The following DOCK9 variants were observed in gnomAD, a reference collection of about 807,000 sequenced individuals.
DOCK9 encodes the protein dedicator of cytokinesis protein 9.
A neutral mutation model predicts 263.3 loss-of-function variants in DOCK9; 89 were observed. The observed-to-expected ratio is 0.34, with a 90% CI of 0.28 to 0.40. The LOEUF is 0.40. DOCK9 is among the 10% of genes least tolerant of loss of function. The pLI is 1.00. For synonymous variants in DOCK9, 976 were observed against 973.1 expected, an observed-to-expected ratio of 1.00 and a Z score of -0.06; for missense variants, 2,140 against 2,603.4, an observed-to-expected ratio of 0.82 and a Z score of 3.87.
intron 1 of DOCK9, chr13:99,015,432 C>A: frequency 1.3e-6 from 2 of 1,565,780 alleles, no homozygotes; most frequent in Non-Finnish European, 1.7e-6. Context: ...GTTAATTAAG[C>A]AAGATAGCAT....
At chr13:98,830,293 A>G in intron 41 of DOCK9, among the ~76,000 whole-genome samples, 1 of 151,982 alleles carries the variant, frequency 6.6e-6, no homozygotes, top group East Asian at 1.9e-4. Flanking sequence ...TTCCTTCACC[A>G]CACCCAGTTA....
chr13:99,012,801 C>T (rs1457729282), intron 1 of DOCK9, among the ~76,000 whole-genome samples: 3 of 152,106 alleles, frequency 2.0e-5, no homozygotes, highest in African/African-American at 7.2e-5. Context: ...GTAACCATGA[C>T]AGAAGGGTTA....
intron 1 of DOCK9, among the ~76,000 whole-genome samples, chr13:99,050,860 G>A (rs1304728761): frequency 6.6e-6 from 1 of 152,104 alleles, no homozygotes; most frequent in African/African-American, 2.4e-5. Flanking sequence ...GGCCCCCCCA[G>A]GTGTTGGTAA....
intron 35 of DOCK9, among the ~76,000 whole-genome samples, chr13:98,852,015 A>C (rs1594678377): frequency 6.6e-6 from 1 of 152,220 alleles, no homozygotes; most frequent in South Asian, 2.1e-4. Context: ...GACTTTAAAG[A>C]ATAACTTTTA....
At chr13:98,971,113 ATG>A (rs2059687417) in intron 1 of DOCK9, among the ~76,000 whole-genome samples, 1 of 152,252 alleles carries the variant, frequency 6.6e-6, no homozygotes, top group Non-Finnish European at 1.5e-5. Flanking sequence ...CTTAGAGATT[ATG>A]TACGACAGGC....
At chr13:98,913,817 T>C (rs1246458641) in intron 9 of DOCK9, among the ~76,000 whole-genome samples, 1 of 152,216 alleles carries the variant, frequency 6.6e-6, no homozygotes, top group Non-Finnish European at 1.5e-5. Context: ...TTTGTGCTTT[T>C]CAGTAACTTT....
At chr13:98,885,282 A>G in intron 20 of DOCK9, 190 bp from the exon 21 acceptor site, 1 of 752,712 alleles carries the variant, frequency 1.3e-6, no homozygotes, top group Non-Finnish European at 2.0e-6. Flanking sequence ...TTTCGGGGTT[A>G]GAATTCTACA....
chr13:98,910,399 C>T (rs190580922), intron 9 of DOCK9, among the ~76,000 whole-genome samples: 1 of 152,244 alleles, frequency 6.6e-6, no homozygotes, highest in African/African-American at 2.4e-5. Context: ...AGGGTAAATA[C>T]AGTGTGTTCT....
intron 1 of DOCK9, among the ~76,000 whole-genome samples, chr13:98,965,550 T>C (rs1267176217): frequency 6.6e-6 from 1 of 152,198 alleles, no homozygotes; most frequent in Non-Finnish European, 1.5e-5. Flanking sequence ...GGGACTGCCC[T>C]GGGGTCCCAG....
At chr13:99,077,768 C>T (rs985839283) in intron 1 of DOCK9, among the ~76,000 whole-genome samples, 3 of 152,204 alleles carry the variant, frequency 2.0e-5, no homozygotes, top group African/African-American at 7.2e-5. Flanking sequence ...GCTTTTGCCA[C>T]ACAGACCTGC....
chr13:98,962,937 A>T (rs1371445614), intron 1 of DOCK9, among the ~76,000 whole-genome samples: 1 of 151,134 alleles, frequency 6.6e-6, no homozygotes, highest in Non-Finnish European at 1.5e-5. Context: ...GCTCCATGAC[A>T]GCAGCAGGGT....
intron 1 of DOCK9, among the ~76,000 whole-genome samples, chr13:99,006,771 A>G (rs1883409442): frequency 6.6e-6 from 1 of 152,216 alleles, no homozygotes; most frequent in African/African-American, 2.4e-5. Flanking sequence ...TTCTAAATAT[A>G]AAAGACAACA....
At chr13:98,869,716 C>T (rs563070819) in intron 27 of DOCK9, among the ~76,000 whole-genome samples, 1 of 152,376 alleles carries the variant, frequency 6.6e-6, no homozygotes, top group East Asian at 1.9e-4. Flanking sequence ...TACAGGGACA[C>T]ATGGCTGCCC....
intron 27 of DOCK9, among the ~76,000 whole-genome samples, chr13:98,875,026 C>T (rs2094292969): frequency 6.6e-6 from 1 of 152,150 alleles, no homozygotes; most frequent in African/African-American, 2.4e-5. Flanking sequence ...TTCTCCTATC[C>T]CTAGATTGTG....
chr13:99,031,027 T>C (rs1038792432), intron 1 of DOCK9, among the ~76,000 whole-genome samples: 1 of 152,106 alleles, frequency 6.6e-6, no homozygotes, highest in African/African-American at 2.4e-5. Flanking sequence ...TTTAAGAAGA[T>C]TTTTCTCCAA....
intron 1 of DOCK9, among the ~76,000 whole-genome samples, chr13:99,068,818 A>G (rs914271585): frequency 2.6e-4 from 39 of 152,346 alleles, no homozygotes; most frequent in African/African-American, 9.1e-4. Context: ...AACCTAAGAG[A>G]TTAAATATCC....
chr13:99,059,477 C>T (rs1476477496), intron 1 of DOCK9, among the ~76,000 whole-genome samples: 2 of 152,032 alleles, frequency 1.3e-5, no homozygotes, highest in African/African-American at 4.8e-5. Context: ...TACTTCCTAT[C>T]ATTCCCGCAG....
intron 26 of DOCK9, 131 bp downstream of exon 26, chr13:98,880,416 G>C (rs1464339161): frequency 8.3e-7 from 1 of 1,201,374 alleles, no homozygotes; most frequent in Non-Finnish European, 1.2e-6. Flanking sequence ...GTTGGTATCA[G>C]AGAACACTAC....
chr13:98,928,180 G>A (rs1430932676), intron 3 of DOCK9, among the ~76,000 whole-genome samples: 1 of 152,146 alleles, frequency 6.6e-6, no homozygotes, highest in Admixed American at 6.5e-5. Context: ...AGAAAGTCTA[G>A]GAGATAAGGA....
Sources: gnomAD v4.1 joint callset for allele counts (sites outside exome capture counted in the v4.1 genomes callset) on GRCh38, gnomAD v4.1.1 for gene constraint, MANE v1.5 for transcripts, NCBI Gene and HGNC (gene_info 2026-07-23, HGNC 2026-07-21) for gene names.